The following GTF3C1 variants were observed in gnomAD, a reference collection of about 807,000 sequenced individuals.
GTF3C1 encodes the protein general transcription factor 3C polypeptide 1.
A neutral mutation model predicts 226.7 loss-of-function variants in GTF3C1; 57 were observed. The observed-to-expected ratio is 0.25, with a 90% CI of 0.20 to 0.31. GTF3C1 has a LOEUF of 0.31. GTF3C1 is among the 10% of genes least tolerant of loss of function. GTF3C1 has a pLI of 1.00. For missense variants in GTF3C1, 2,217 were observed against 2,776.1 expected (o/e 0.80, Z 4.53); for synonymous variants, 1,090 against 1,084.8 (o/e 1.00, Z -0.09).
At chr16:27,511,443 A>T (rs2141410628) in intron 7 of GTF3C1, among the ~76,000 whole-genome samples, 1 of 152,280 alleles carries the variant, frequency 6.6e-6, no homozygotes, top group Middle Eastern at 3.4e-3. Flanking sequence ...TACCTTAATA[A>T]GCTCCCTCTT....
chr16:27,506,193 C>A, intron 9 of GTF3C1, 77 bp from the exon 10 acceptor site: 1 of 752,640 alleles, frequency 1.3e-6, no homozygotes. Context: ...CAGACCAGAC[C>A]CACACAGGCC....
At position 27,461,201 on chromosome 16, in the gene GTF3C1, T is replaced by C. The variant is rs2087697677; in HGVS notation, c.*149A>G. 16 of 599,198 alleles carry C rather than the reference T, an allele frequency of 2.7e-5. No individual in the cohort carries two copies. Among genetic ancestry groups the C allele is most frequent in the Non-Finnish European group, 1.2e-5 (4 of 335,238 alleles). 37.1% of individuals were successfully genotyped at this position (599,198 alleles called of 1,614,324 possible). On this transcript the variant is annotated 3_prime_UTR_variant, in exon 37 of 37. Coordinates refer to ENST00000356183, the MANE Select transcript of GTF3C1 (RefSeq NM_001520.4). This position sits in a 1 kb window ranked among gnomAD's most constrained non-coding sequence, Gnocchi z 5.3. The stretch of plus-strand genomic sequence containing the variant: ...CAGAGTTCCAGTACAGTGGGAAACG[T>C]GTCAGTCTGTGACTCTGGCCAAAGC...
chr16:27,545,272 C>T (rs774666987), intron 2 of GTF3C1, 42 bp downstream of exon 2: 18 of 1,431,208 alleles, frequency 1.3e-5, no homozygotes, highest in South Asian at 5.7e-5. Flanking sequence ...CCACCGTACC[C>T]GGCCAGATTC....
In GTF3C1 at chr16:27,463,243, G is replaced by T; in HGVS notation, c.5924+298C>A. 2.3e-6 allele frequency: 1 copy of T among 438,014 alleles called. No individual in the cohort carries two copies. The highest frequency in any genetic ancestry group is 4.0e-6 in the Non-Finnish European group (1 of 247,130). 27.1% of individuals were successfully genotyped at this position (438,014 alleles called of 1,614,324 possible). ...GCAGGAGTGGGTGAGGTGCCTGTGG[G>T]CCATGAGGAGCCAGTGAAGCACAGC... On this transcript the variant is annotated intron_variant, in intron 35 of 36. Coordinates refer to ENST00000356183, the MANE Select transcript of GTF3C1 (RefSeq NM_001520.4). The surrounding 1 kb of genome is among the most constrained non-coding windows in gnomAD (Gnocchi z 4.9).
Position 27,495,319 on chromosome 16 carries a change from G to A in GTF3C1, c.2524C>T (p.Arg842Trp), listed in dbSNP as rs761543650. 1.5e-5 allele frequency: 24 copies of A among 1,613,692 alleles called. No individual in the cohort carries two copies. The East Asian group carries it at 2.0e-4, about 13-fold the overall frequency. Residue 842 changes from arginine to tryptophan, a missense_variant, in exon 15 of 37, where the codon CGG becomes TGG. Physicochemically the swap from Arg to Trp is moderately radical, Grantham distance 101. Coordinates refer to ENST00000356183, the MANE Select transcript of GTF3C1 (RefSeq NM_001520.4). ...CAGGCACTTCCAGAGGAGGACGGCC[G>A]GACGCCTGCCCTGCCTGACTCCTGC... is the stretch of plus-strand genomic sequence containing the variant. ...IKQESGRAGV[R>W]PSSSGSAWEA...
intron 2 of GTF3C1, among the ~76,000 whole-genome samples, chr16:27,544,360 G>T (rs2089133459): frequency 6.6e-6 from 1 of 151,770 alleles, no homozygotes; most frequent in African/African-American, 2.4e-5. Flanking sequence ...ACTCCAGCCT[G>T]GGCAACAGAG....
intron 10 of GTF3C1, among the ~76,000 whole-genome samples, chr16:27,505,184 CG>C (rs1181863644): frequency 1.3e-5 from 2 of 152,114 alleles, no homozygotes; most frequent in Non-Finnish European, 2.9e-5. Context: ...ATTATATTGA[CG>C]AAAGTACTGG....
At chr16:27,529,860 A>G (rs1383195588) in intron 5 of GTF3C1, among the ~76,000 whole-genome samples, 1 of 152,246 alleles carries the variant, frequency 6.6e-6, no homozygotes, top group African/African-American at 2.4e-5. Context: ...ACTGAACGTC[A>G]GTTGCCATTT....
intron 5 of GTF3C1, among the ~76,000 whole-genome samples, chr16:27,529,516 T>C (rs1443832742): frequency 2.0e-5 from 3 of 152,024 alleles, no homozygotes; most frequent in Admixed American, 1.3e-4. Context: ...GGTATTTCCA[T>C]CTCATCACTC....
chr16:27,506,121 G>A lies in GTF3C1; in HGVS notation c.1553-5C>T. 6.4e-7 allele frequency: 1 copy of A among 1,570,060 alleles called. No homozygotes were observed. The highest frequency in any genetic ancestry group is 8.8e-7 in the Non-Finnish European group (1 of 1,140,336). On this transcript the variant is annotated splice_polypyrimidine_tract_variant and splice_region_variant and intron_variant, in intron 9 of 36. Coordinates refer to ENST00000356183, the MANE Select transcript of GTF3C1 (RefSeq NM_001520.4). ...GGTTTACAACTTTCCACCCACCTGTGGTGGAGGGAAGAGATAGAACAAATC... is the reference window on the plus strand; with the variant it reads ...GGTTTACAACTTTCCACCCACCTGTAGTGGAGGGAAGAGATAGAACAAATC...
At position 27,465,333 on chromosome 16, in the gene GTF3C1, T is replaced by A. The variant is rs1385539700; in HGVS notation, c.5282A>T (p.Glu1761Val). ...CAAGGCCGAGAACCGTCTGCGCAGC[T>A]CCTCCTTGTCAATCCCAAAACAACC... is the stretch of plus-strand genomic sequence containing the variant. ...ATGCFGIDKE[E>V]LRRRFSALEK... is the part of the protein sequence containing the mutation. The change falls in exon 33 of 37, where the codon GAG (glutamate) becomes GTG (valine). Residue 1761 changes from glutamate to valine, a missense_variant. Physicochemically the swap from Glu to Val is moderately radical, Grantham distance 121. Coordinates refer to ENST00000356183, the MANE Select transcript of GTF3C1 (RefSeq NM_001520.4). 2 of 1,614,066 alleles carry A rather than the reference T, an allele frequency of 1.2e-6. No homozygotes were observed. The highest frequency in any genetic ancestry group is 1.7e-6 in the Non-Finnish European group (2 of 1,180,008).
At position 27,495,421 on chromosome 16, in the gene GTF3C1, A is replaced by G; in HGVS notation, c.2422T>C (p.Trp808Arg). 1 of 1,614,110 alleles carries G rather than the reference A, an allele frequency of 6.2e-7. No homozygotes were observed. The highest frequency in any genetic ancestry group is 8.5e-7 in the Non-Finnish European group (1 of 1,179,952). ...PRLRVVHMFLWYLIYGHPASN... is the reference protein window; with the variant it reads ...PRLRVVHMFLRYLIYGHPASN... ...GCAGGGTGCCCGTAGATGAGGTACC[A>G]CAGAAACATGTGGACCACCCGCAGG... Residue 808 changes from tryptophan (W) to arginine (R), a missense_variant, in exon 15 of 37, where the codon TGG (tryptophan) becomes CGG (arginine). Transcript: ENST00000356183.
chr16:27,461,094 A>G lies in GTF3C1; in HGVS notation c.*256T>C, dbSNP rs1250712653. On this transcript the variant is annotated 3_prime_UTR_variant, in exon 37 of 37. Transcript: ENST00000356183. The surrounding 1 kb of genome is among the most constrained non-coding windows in gnomAD (Gnocchi z 5.3). ...GGAGACCCAGAGACAAGAAGCACCA[A>G]CTCCCAGTGTGATGAGGCCAGTTCC... 3 of 421,428 alleles carry G rather than the reference A, an allele frequency of 7.1e-6. No individual in the cohort carries two copies. The highest frequency in any genetic ancestry group is 3.9e-5 in the African/African-American group (2 of 51,284). 26.1% of individuals were successfully genotyped at this position (421,428 alleles called of 1,614,324 possible).
At chr16:27,464,276 G>A (rs1388540087) in intron 34 of GTF3C1, 44 bp downstream of exon 34, 2 of 1,294,164 alleles carry the variant, frequency 1.5e-6, no homozygotes, top group Non-Finnish European at 2.1e-6. Flanking sequence ...GGGAGGGAAA[G>A]CCAGGGTGGG....
In GTF3C1 at chr16:27,470,194, AGAGAAGAGGGTCAGG is replaced by A. The variant is rs1399359150; in HGVS notation, c.4713_4727del (p.Thr1573_Leu1577del). The A allele has an allele frequency of 6.2e-7, 1 of 1,613,744 alleles. No individual in the cohort carries two copies. Among genetic ancestry groups the A allele is most frequent in the Middle Eastern group, 1.6e-4 (1 of 6,062 alleles). ...TGACATCCACAGAAATGAGGCCCAG[AGAGAAGAGGGTCAGG>A]ACGGCCACACAATTTCCTCCAGGGC... On this transcript the variant is annotated inframe_deletion, in exon 31 of 37. Coordinates refer to ENST00000356183, the MANE Select transcript of GTF3C1 (RefSeq NM_001520.4). This position sits in a 1 kb window ranked among gnomAD's most constrained non-coding sequence, Gnocchi z 4.9.
At chr16:27,542,081 GTCAGTTTGAAACCTC>G (rs2089093346) in intron 2 of GTF3C1, among the ~76,000 whole-genome samples, 1 of 152,214 alleles carries the variant, frequency 6.6e-6, no homozygotes, top group African/African-American at 2.4e-5. Context: ...GGCAGATTTG[GTCAGTTTGAAACCTC>G]TGCCTTGTGT....
chr16:27,504,526 G>A (rs181370061), intron 10 of GTF3C1, among the ~76,000 whole-genome samples: 1 of 152,200 alleles, frequency 6.6e-6, no homozygotes, highest in Non-Finnish European at 1.5e-5. Flanking sequence ...AGGGAGAAGC[G>A]GCGTAGGGTA....
intron 8 of GTF3C1, among the ~76,000 whole-genome samples, chr16:27,508,209 C>T (rs1286570982): frequency 1.3e-5 from 2 of 152,222 alleles, no homozygotes; most frequent in Non-Finnish European, 2.9e-5. Context: ...TAGGGTTTCA[C>T]CATGTTGGCC....
At chr16:27,541,496 T>C (rs774677931) in intron 2 of GTF3C1, among the ~76,000 whole-genome samples, 9 of 152,144 alleles carry the variant, frequency 5.9e-5, no homozygotes, top group African/African-American at 1.2e-4. Context: ...ACAAGAAGGA[T>C]AGAGTCCCTG....
Sources: allele counts gnomAD v4.1 joint callset (sites outside exome capture counted in the v4.1 genomes callset), GRCh38; gene constraint gnomAD v4.1.1; non-coding constraint Gnocchi (gnomAD v3.1); transcripts MANE v1.5; gene names NCBI Gene and HGNC (gene_info 2026-07-23, HGNC 2026-07-21).